The following CHRNB1 variants were observed in gnomAD, a reference collection of about 807,000 sequenced individuals.
The protein encoded by CHRNB1 is cholinergic receptor nicotinic beta 1 subunit.
A neutral mutation model predicts 53.8 loss-of-function variants in CHRNB1; 47 were observed. The observed-to-expected ratio is 0.87, with a 90% CI of 0.69 to 1.11. CHRNB1 has a LOEUF of 1.11. Ranked by LOEUF, CHRNB1 falls within the 50% of genes most tolerant of loss-of-function variation. The pLI is 0.00. For synonymous variants in CHRNB1, 259 were observed against 263.5 expected, an observed-to-expected ratio of 0.98 and a Z score of 0.16; for missense variants, 605 against 654.9, an observed-to-expected ratio of 0.92 and a Z score of 0.83.
chr17:7,455,757 C>T (rs2069943395), intron 9 of CHRNB1, 37 bp from the exon 10 acceptor site: 4 of 1,613,978 alleles, frequency 2.5e-6, no homozygotes, highest in Non-Finnish European at 2.5e-6. Flanking sequence ...CACTGGCTGT[C>T]TTTGCGTTTG....
chr17:7,452,278 G>A (rs534243746), intron 7 of CHRNB1, among the ~76,000 whole-genome samples: 16 of 152,040 alleles, frequency 1.1e-4, no homozygotes, highest in South Asian at 4.1e-4. Flanking sequence ...GGCTGGTCTC[G>A]AACTTCTGAC....
At chr17:7,449,687 G>C (rs1908809755) in intron 7 of CHRNB1, among the ~76,000 whole-genome samples, 1 of 151,806 alleles carries the variant, frequency 6.6e-6, no homozygotes, top group Admixed American at 6.6e-5. Context: ...TGGGCTTATA[G>C]GCATGAGCCA....
rs367921153 is a variant in CHRNB1 at position 7,447,477 on chromosome 17, C to T, written c.463-26C>T. The T allele has an allele frequency of 3.1e-6, 5 of 1,613,970 alleles. No homozygotes were observed. The African/African-American group carries it at 6.7e-5, about 22-fold the overall frequency. ...CCAGCGCTGACTGGTTCTCTGGCAG[C>T]TCTAGTGACTCTCTCCTCCATCCAG... On this transcript the variant is annotated intron_variant, in intron 5 of 10. Coordinates refer to ENST00000306071, the MANE Select transcript of CHRNB1 (RefSeq NM_000747.3).
chr17:7,451,777 G>C (rs1370798841), intron 7 of CHRNB1, among the ~76,000 whole-genome samples: 1 of 152,180 alleles, frequency 6.6e-6, no homozygotes, highest in Non-Finnish European at 1.5e-5. Flanking sequence ...GCCAGGTGCT[G>C]TTTAATCTTG....
chr17:7,446,541 A>G (rs1263751110), intron 3 of CHRNB1: 10 of 536,566 alleles, frequency 1.9e-5, no homozygotes, highest in Admixed American at 6.5e-5. Flanking sequence ...TTCATTCCCC[A>G]TCCACTAAAG....
Position 7,455,896 on chromosome 17 carries a change from C to G in CHRNB1, c.1320C>G (p.Ile440Met). Residue 440 changes from isoleucine to methionine, a missense_variant, in exon 10 of 11, where the codon ATC (isoleucine) becomes ATG (methionine). By Grantham distance (10) the Ile-to-Met change is conservative. Coordinates refer to ENST00000306071, the MANE Select transcript of CHRNB1 (RefSeq NM_000747.3). ...AGCTACGGGAGGTCGTCTCCTCTATCAGCTACATCGCTCGACAGCTGCAGG... is the reference window on the plus strand; with the variant it reads ...AGCTACGGGAGGTCGTCTCCTCTATGAGCTACATCGCTCGACAGCTGCAGG... ...LPELREVVSS[I>M]SYIARQLQEQ... The G allele has an allele frequency of 2.5e-6, 4 of 1,614,124 alleles. No individual in the cohort carries two copies. The highest frequency in any genetic ancestry group is 3.4e-6 in the Non-Finnish European group (4 of 1,180,038).
chr17:7,446,717 C>A, intron 3 of CHRNB1, 116 bp from the exon 4 acceptor site: 2 of 772,708 alleles, frequency 2.6e-6, no homozygotes, highest in Non-Finnish European at 4.4e-6. Flanking sequence ...CCTTGACCCA[C>A]AGTTTATGCC....
chr17:7,456,825 A>G lies in CHRNB1; in HGVS notation c.*102A>G. The G allele has an allele frequency of 6.7e-7, 1 of 1,502,274 alleles. No homozygotes were observed. Among genetic ancestry groups the G allele is most frequent in the Non-Finnish European group, 9.2e-7 (1 of 1,092,420 alleles). 93.1% of individuals were successfully genotyped at this position (1,502,274 alleles called of 1,614,324 possible). ...CTGCCTCTTAACTCCTTCACGAGGA[A>G]TCTGGGCCTCTTATTTCGTTTCTGG... On this transcript the variant is annotated 3_prime_UTR_variant, in exon 11 of 11. Coordinates refer to ENST00000306071, the MANE Select transcript of CHRNB1 (RefSeq NM_000747.3).
At chr17:7,447,369 C>G (rs1400347209) in intron 5 of CHRNB1, 134 bp from the exon 6 acceptor site, 1 of 1,094,354 alleles carries the variant, frequency 9.1e-7, no homozygotes, top group East Asian at 2.4e-5. Context: ...ATCCCTCCCC[C>G]ATTAATGGCT....
rs117755174 is a variant in CHRNB1, at chr17:7,449,060, T to C, written c.820+272T>C. Among the ~76,000 whole-genome samples, 18 of 151,224 alleles carry C rather than the reference T, an allele frequency of 1.2e-4. No individual in the cohort carries two copies. In the East Asian group the frequency reaches 3.3e-3, roughly 28 times the overall value. ...GCTTAGATAGCTCTCCCATTCCCTTTCCCAACATTCCCTGCCCACTTTCAG... is the reference window on the plus strand; with the variant it reads ...GCTTAGATAGCTCTCCCATTCCCTTCCCCAACATTCCCTGCCCACTTTCAG... On this transcript the variant is annotated intron_variant, in intron 7 of 10. Coordinates refer to ENST00000306071, the MANE Select transcript of CHRNB1 (RefSeq NM_000747.3).
rs1232285273 is a variant in CHRNB1, at chr17:7,446,847, C to T, written c.258C>T (p.Tyr86=). The T allele has an allele frequency of 1.2e-6, 2 of 1,613,848 alleles. No individual in the cohort carries two copies. The highest frequency in any genetic ancestry group is 1.7e-6 in the Non-Finnish European group (2 of 1,179,896). The change falls in exon 4 of 11, where the codon TAC becomes TAT. Residue 86 remains tyrosine, a synonymous_variant. Transcript: ENST00000306071. ...KVYLDLEWTD[Y]RLSWDPAEHD... is the part of the protein sequence containing the mutation. ...TGCTTCACTAGGAGTGGACTGACTA[C>T]AGGCTGAGCTGGGACCCTGCGGAGC...
In CHRNB1 at chr17:7,456,933, T is replaced by A; in HGVS notation, c.*210T>A. 1 of 618,424 alleles carries A rather than the reference T, an allele frequency of 1.6e-6. No homozygotes were observed. The highest frequency in any genetic ancestry group is 4.3e-4 in the Middle Eastern group (1 of 2,302). The allele number at this position is 618,424 out of a possible 1,614,324, so 38.3% of individuals were successfully genotyped here. On this transcript the variant is annotated 3_prime_UTR_variant, in exon 11 of 11. Transcript: ENST00000306071. ...GTATCATCTGATTTACTCTTTGGGA[T>A]CTTGAAGAAGCTCTTTTGGGTATCA... is the stretch of plus-strand genomic sequence containing the variant.
intron 7 of CHRNB1, among the ~76,000 whole-genome samples, chr17:7,451,166 C>T (rs1597752505): frequency 6.6e-6 from 1 of 151,994 alleles, no homozygotes; most frequent in Non-Finnish European, 1.5e-5. Flanking sequence ...CACCCTTGGC[C>T]TTCTGGTCTG....
chr17:7,454,487 C>G lies in CHRNB1; in HGVS notation c.1011C>G (p.Pro337=). The G allele has an allele frequency of 6.2e-7, 1 of 1,614,146 alleles. No homozygotes were observed. The highest frequency in any genetic ancestry group is 1.1e-5 in the South Asian group (1 of 91,084). ...TTCTCAACCTGCACCACCGCTCACC[C>G]CACACCCACCAAATGCCCCTTTGGG... is the stretch of plus-strand genomic sequence containing the variant. ...VVVLNLHHRS[P]HTHQMPLWVR... The change falls in exon 8 of 11, where the codon CCC becomes CCG. Residue 337 remains proline (P), a synonymous_variant. Transcript: ENST00000306071.
chr17:7,456,030 TTG>T (rs1323068856), intron 10 of CHRNB1, 89 bp downstream of exon 10: 4 of 1,224,960 alleles, frequency 3.3e-6, no homozygotes, highest in Non-Finnish European at 4.6e-6. Flanking sequence ...TTCGTTTTTT[TTG>T]TGTGGTTTTT....
Position 7,445,282 on chromosome 17 carries a change from C to G in CHRNB1, c.71C>G (p.Ser24Trp), listed in dbSNP as rs768484065. The change falls in exon 2 of 11, where the codon TCG becomes TGG. Residue 24 changes from serine (S) to tryptophan (W), a missense_variant. Coordinates refer to ENST00000306071, the MANE Select transcript of CHRNB1 (RefSeq NM_000747.3). The surrounding 1 kb of genome is among the most constrained non-coding windows in gnomAD (Gnocchi z 5.7). ...TCTCCTCCCCCAGGCGTCCGCGGCT[C>G]GGAGGCGGAGGGTCGACTCCGGGAG... ...GAPLAPGVRG[S>W]EAEGRLREKL... 1.2e-6 allele frequency: 2 copies of G among 1,612,700 alleles called. No individual in the cohort carries two copies. Among genetic ancestry groups the G allele is most frequent in the Admixed American group, 1.7e-5 (1 of 59,980 alleles).
At chr17:7,455,611 G>C in intron 9 of CHRNB1, 155 bp downstream of exon 9, 1 of 1,224,022 alleles carries the variant, frequency 8.2e-7, no homozygotes, top group Non-Finnish European at 1.2e-6. Flanking sequence ...GGGGAGGTGG[G>C]AACTAAAACA....
At position 7,456,733 on chromosome 17, in the gene CHRNB1, G is replaced by A; in HGVS notation, c.*10G>A. On this transcript the variant is annotated 3_prime_UTR_variant, in exon 11 of 11. Coordinates refer to ENST00000306071, the MANE Select transcript of CHRNB1 (RefSeq NM_000747.3). ...AGACCCCTTTCCTTGAAGACTGGAGGGTTGAGACCCAGGCCCCCTGCCAGT... is the reference window on the plus strand; with the variant it reads ...AGACCCCTTTCCTTGAAGACTGGAGAGTTGAGACCCAGGCCCCCTGCCAGT... 1 of 1,614,158 alleles carries A rather than the reference G, an allele frequency of 6.2e-7. No homozygotes were observed. Among genetic ancestry groups the A allele is most frequent in the Non-Finnish European group, 8.5e-7 (1 of 1,180,030 alleles).
intron 7 of CHRNB1, among the ~76,000 whole-genome samples, chr17:7,451,687 C>T (rs1436042189): frequency 6.6e-6 from 1 of 152,166 alleles, no homozygotes; most frequent in African/African-American, 2.4e-5. Context: ...TGGTCCAGGA[C>T]ACCATGGCCT....
Sources: gnomAD v4.1 joint callset for allele counts (sites outside exome capture counted in the v4.1 genomes callset) on GRCh38, gnomAD v4.1.1 for gene constraint, Gnocchi (gnomAD v3.1) non-coding constraint, MANE v1.5 for transcripts, NCBI Gene and HGNC (gene_info 2026-07-23, HGNC 2026-07-21) for gene names.